The following ADRA1A variants were observed in gnomAD, a reference collection of about 807,000 sequenced individuals.
ADRA1A encodes alpha-1A adrenergic receptor.
In ADRA1A, 31 loss-of-function variants were observed where a neutral mutation model predicts 29.6. That is an observed-to-expected ratio of 1.05 (90% CI 0.79 to 1.41). The LOEUF (loss-of-function observed/expected upper bound fraction) is 1.41. Ranked by LOEUF, ADRA1A falls within the 40% of genes most tolerant of loss-of-function variation. The pLI is 0.00. For synonymous variants in ADRA1A, 311 were observed against 254.3 expected, an observed-to-expected ratio of 1.22 and a Z score of -2.12; for missense variants, 619 against 601.1, an observed-to-expected ratio of 1.03 and a Z score of -0.31.
Position 26,865,350 on chromosome 8 carries a change from G to C in ADRA1A, c.-381C>G. The C allele has an allele frequency of 9.4e-7, 1 of 1,062,770 alleles. No individual in the cohort carries two copies. The highest frequency in any genetic ancestry group is 1.1e-6 in the Non-Finnish European group (1 of 879,104). The allele number at this position is 1,062,770 out of a possible 1,614,324, so 65.8% of individuals were successfully genotyped here. ...TTACGAGAATCTGCTTTTCCGCGCTGTCTTATTCGTCCTGGCTGGGGGAAG... is the reference window on the plus strand; with the variant it reads ...TTACGAGAATCTGCTTTTCCGCGCTCTCTTATTCGTCCTGGCTGGGGGAAG... On this transcript the variant is annotated 5_prime_UTR_variant, in exon 2 of 3. Transcript: ENST00000380573. This position sits in a 1 kb window ranked among gnomAD's most constrained non-coding sequence, Gnocchi z 7.6.
At chr8:26,827,728 A>T (rs1419736685) in intron 2 of ADRA1A, among the ~76,000 whole-genome samples, 1 of 152,034 alleles carries the variant, frequency 6.6e-6, no homozygotes, top group Admixed American at 6.6e-5. Context: ...AATCCCAAAC[A>T]TCAGCGCTCT....
chr8:26,804,962 GTCTC>G (rs145521520), intron 2 of ADRA1A, among the ~76,000 whole-genome samples: 3 of 152,128 alleles, frequency 2.0e-5, no homozygotes, highest in South Asian at 2.1e-4. Flanking sequence ...TTCGGAGTCA[GTCTC>G]TCTCTCTCAC....
chr8:26,796,346 C>T lies in ADRA1A; in HGVS notation c.884-25680G>A, dbSNP rs1808193266. 6.6e-6 allele frequency among the ~76,000 whole-genome samples: 1 copy of T among 152,126 alleles called. No homozygotes were observed. Among genetic ancestry groups the T allele is most frequent in the African/African-American group, 2.4e-5 (1 of 41,432 alleles). On this transcript the variant is annotated intron_variant, in intron 2 of 2. Coordinates refer to ENST00000380573, the MANE Select transcript of ADRA1A (RefSeq NM_000680.4). This position sits in a 1 kb window ranked among gnomAD's most constrained non-coding sequence, Gnocchi z 5.0. ...AACTAAAAAATAACTCACTGATTACCTACAACATTTCGCTACCTTCATCTG... is the reference window on the plus strand; with the variant it reads ...AACTAAAAAATAACTCACTGATTACTTACAACATTTCGCTACCTTCATCTG...
At chr8:26,859,598 T>C (rs771559794) in intron 2 of ADRA1A, among the ~76,000 whole-genome samples, 9 of 152,176 alleles carry the variant, frequency 5.9e-5, no homozygotes, top group Non-Finnish European at 1.3e-4. Context: ...GAGAGCCTGG[T>C]GCTTATTACA....
rs112880634 is a variant in ADRA1A, at chr8:26,809,685, C to T, written c.884-39019G>A. ...TAAATAAACATGTATTAAACTCCTA[C>T]CTCTACTATACACTGAGCAATGTGC... On this transcript the variant is annotated intron_variant, in intron 2 of 2. Coordinates refer to ENST00000380573, the MANE Select transcript of ADRA1A (RefSeq NM_000680.4). Among the ~76,000 whole-genome samples, 311 of 152,312 alleles carry T rather than the reference C, an allele frequency of 2.0e-3. 1 individual carries two copies. Among genetic ancestry groups the T allele is most frequent in the African/African-American group, 7.3e-3 (302 of 41,572 alleles).
At chr8:26,858,807 C>T (rs544029937) in intron 2 of ADRA1A, among the ~76,000 whole-genome samples, 13 of 152,340 alleles carry the variant, frequency 8.5e-5, no homozygotes, top group Admixed American at 2.6e-4. Context: ...TGGCACCCCC[C>T]TCCCTTGAAG....
chr8:26,750,931 C>T (rs555792558), intron 2 of ADRA1A, among the ~76,000 whole-genome samples: 116 of 152,160 alleles, frequency 7.6e-4, no homozygotes, highest in Non-Finnish European at 1.2e-3. Context: ...TAGCCAGGTG[C>T]GGTGGCGCAT....
intron 2 of ADRA1A, among the ~76,000 whole-genome samples, chr8:26,835,614 C>A (rs1353297386): frequency 6.6e-6 from 1 of 152,106 alleles, no homozygotes; most frequent in Non-Finnish European, 1.5e-5. Context: ...GGGAAACTGC[C>A]CCCACGATTC....
chr8:26,785,297 CT>C (rs1414233716), intron 2 of ADRA1A, among the ~76,000 whole-genome samples: 13 of 152,150 alleles, frequency 8.5e-5, no homozygotes, highest in Non-Finnish European at 1.5e-4. Context: ...CCTAAATTTT[CT>C]CCATTTAGCA....
At chr8:26,835,842 TC>T (rs1258781675) in intron 2 of ADRA1A, 1 of 152,202 alleles carries the variant, frequency 6.6e-6, no homozygotes, top group East Asian at 1.9e-4. Context: ...TCCACTTCTT[TC>T]CCCCTGCTTT....
At chr8:26,844,301 C>T (rs13274679) in intron 2 of ADRA1A, among the ~76,000 whole-genome samples, 10,993 of 152,166 alleles carry the variant, frequency 0.072, 434 homozygotes, top group African/African-American at 0.085. Flanking sequence ...AATTATTAAT[C>T]GAGAACTTGC....
At chr8:26,804,151 G>C (rs980147934) in intron 2 of ADRA1A, among the ~76,000 whole-genome samples, 1 of 151,788 alleles carries the variant, frequency 6.6e-6, no homozygotes, top group Non-Finnish European at 1.5e-5. Flanking sequence ...CAAACTCAAG[G>C]GTCAAGTGAT....
chr8:26,846,453 C>G (rs1165758814), intron 2 of ADRA1A, among the ~76,000 whole-genome samples: 1 of 152,146 alleles, frequency 6.6e-6, no homozygotes, highest in Non-Finnish European at 1.5e-5. Flanking sequence ...CATCTCCCAC[C>G]CCAATTGTGA....
chr8:26,829,440 C>T (rs1277857983), intron 2 of ADRA1A, among the ~76,000 whole-genome samples: 1 of 152,072 alleles, frequency 6.6e-6, no homozygotes. Flanking sequence ...TGGCAAAGAT[C>T]CCAATCCATC....
At chr8:26,774,748 T>A (rs529212072) in intron 2 of ADRA1A, among the ~76,000 whole-genome samples, 2 of 152,146 alleles carry the variant, frequency 1.3e-5, no homozygotes, top group South Asian at 4.2e-4. Context: ...CTTCCTTTAT[T>A]TTTCCTCTCC....
intron 2 of ADRA1A, among the ~76,000 whole-genome samples, chr8:26,782,997 T>G (rs1807105410): frequency 6.6e-6 from 1 of 152,158 alleles, no homozygotes; most frequent in South Asian, 2.1e-4. Context: ...TGTATTCACT[T>G]GTTATTGTCC....
At chr8:26,845,095 A>T (rs1014426804) in intron 2 of ADRA1A, among the ~76,000 whole-genome samples, 1 of 152,188 alleles carries the variant, frequency 6.6e-6, no homozygotes, top group Admixed American at 6.5e-5. Flanking sequence ...GATAAATTGG[A>T]TGTCATAAAA....
At position 26,865,695 on chromosome 8, in the gene ADRA1A, G is replaced by C. The variant is rs779016874; in HGVS notation, c.-686-40C>G. On this transcript the variant is annotated intron_variant, in intron 1 of 2. Coordinates refer to ENST00000380573, the MANE Select transcript of ADRA1A (RefSeq NM_000680.4). The surrounding 1 kb of genome is among the most constrained non-coding windows in gnomAD (Gnocchi z 7.6). ...AGAGAAAGGCGGCTTTGAGCTAGGC[G>C]CCCCAGGGAAAGAGGCTGTGCTGAG... is the stretch of plus-strand genomic sequence containing the variant. 81 of 985,716 alleles carry C rather than the reference G, an allele frequency of 8.2e-5. No individual in the cohort carries two copies. The highest frequency in any genetic ancestry group is 9.5e-5 in the Non-Finnish European group (79 of 830,314). 61.1% of individuals were successfully genotyped at this position (985,716 alleles called of 1,614,324 possible).
rs143570951 is a variant in ADRA1A, at chr8:26,810,906, G to GAA, written c.884-40241_884-40240insTT. Among the ~76,000 whole-genome samples, 5 of 151,618 alleles carry GAA rather than the reference G, an allele frequency of 3.3e-5. No homozygotes were observed. The Middle Eastern group carries it at 0.01, about 309-fold the overall frequency. ...CAATTAGTTGAAAAATCAATTACCT[G>GAA]ACAAAAAAAAATCCAAGATTCACTT... On this transcript the variant is annotated intron_variant, in intron 2 of 2. Coordinates refer to ENST00000380573, the MANE Select transcript of ADRA1A (RefSeq NM_000680.4).
Sources: gnomAD v4.1 joint callset for allele counts (sites outside exome capture counted in the v4.1 genomes callset) on GRCh38, gnomAD v4.1.1 for gene constraint, Gnocchi (gnomAD v3.1) non-coding constraint, MANE v1.5 for transcripts, NCBI Gene and HGNC (gene_info 2026-07-23, HGNC 2026-07-21) for gene names.